The following USP31 variants were observed in gnomAD, a reference collection of about 807,000 sequenced individuals.
USP31 encodes ubiquitin specific peptidase 31, also known as ubiquitin carboxyl-terminal hydrolase 31.
A neutral mutation model predicts 119.4 loss-of-function variants in USP31; 44 were observed. That is an observed-to-expected ratio of 0.37 (90% confidence interval 0.29 to 0.47). The LOEUF is 0.47. Among genes scored for constraint, USP31 ranks in the 20% least tolerant of loss-of-function variants. USP31 has a pLI of 0.99. For synonymous variants in USP31, 749 were observed against 705.6 expected, an observed-to-expected ratio of 1.06 and a Z score of -0.97; for missense variants, 1,643 against 1,730.2, an observed-to-expected ratio of 0.95 and a Z score of 0.89.
chr16:23,107,551 T>C (rs1383394618), intron 2 of USP31, among the ~76,000 whole-genome samples: 3 of 152,222 alleles, frequency 2.0e-5, no homozygotes, highest in African/African-American at 7.2e-5. Flanking sequence ...ATATAAGTCA[T>C]TTTACCCATA....
Position 23,102,388 on chromosome 16 carries a change from C to T in USP31, c.1165G>A (p.Glu389Lys). ...TCAAAGGCAAAAATGCAGTCGCTTT[C>T]ATGGACTGTTTCCAGGTCGTCTGTA... The part of the protein sequence containing the change: ...CDTDDLETVH[E>K]SDCIFAFETP... The change falls in exon 6 of 16, where the codon GAA becomes AAA. Residue 389 changes from glutamate to lysine, a missense_variant. By Grantham distance (56) the Glu-to-Lys change is moderately conservative (BLOSUM62 1). This residue lies in a region of USP31 where 219 missense variants were observed against 226.4 expected (regional missense o/e 0.97). Coordinates refer to ENST00000219689, the MANE Select transcript of USP31 (RefSeq NM_020718.4). 6.2e-7 allele frequency: 1 copy of T among 1,613,804 alleles called. No homozygotes were observed.
intron 6 of USP31, among the ~76,000 whole-genome samples, chr16:23,094,239 C>G (rs1202805215): frequency 6.6e-6 from 1 of 152,226 alleles, no homozygotes; most frequent in Non-Finnish European, 1.5e-5. Context: ...GAGTCTTGCT[C>G]ACTGCTAGCG....
At chr16:23,091,285 T>G (rs1436877998) in intron 6 of USP31, among the ~76,000 whole-genome samples, 2 of 152,234 alleles carry the variant, frequency 1.3e-5, no homozygotes, top group Non-Finnish European at 2.9e-5. Flanking sequence ...CAGGAGAATC[T>G]TCCAACTTGG....
At position 23,148,697 on chromosome 16, in the gene USP31, G is replaced by T; in HGVS notation, c.574C>A (p.His192Asn). The T allele has an allele frequency of 6.7e-7, 1 of 1,493,368 alleles. No homozygotes were observed. The highest frequency in any genetic ancestry group is 1.5e-5 in the African/African-American group (1 of 68,358). 92.5% of individuals were successfully genotyped at this position (1,493,368 alleles called of 1,614,324 possible). ...GQGEVTEQLA[H>N]LVRALWTLEY... is the part of the protein sequence containing the mutation. ...AGGGTCCAGAGGGCCCGCACCAGGT[G>T]CGCCAGCTGCTCAGTGACCTCGCCC... The change falls in exon 1 of 16, where the codon CAC becomes AAC. Residue 192 changes from histidine (H) to asparagine (N), a missense_variant. This residue lies in a region of USP31 where 144 missense variants were observed against 218.0 expected (regional missense o/e 0.66). Transcript: ENST00000219689.
In USP31 at chr16:23,062,692, C is replaced by T. The variant is rs1198311482; in HGVS notation, c.*5354G>A. 6.6e-6 allele frequency: 1 copy of T among 152,512 alleles called. No homozygotes were observed. Among genetic ancestry groups the T allele is most frequent in the African/African-American group, 2.4e-5 (1 of 41,448 alleles). The allele number at this position is 152,512 out of a possible 1,614,324, so 9.4% of individuals were successfully genotyped here. On this transcript the variant is annotated 3_prime_UTR_variant, in exon 16 of 16. Coordinates refer to ENST00000219689, the MANE Select transcript of USP31 (RefSeq NM_020718.4). ...GACAGATGCAAACCCCGCGGGGACA[C>T]TCAGCCTGCTCCAGCAACTAAGACC...
At chr16:23,082,829 C>CTTTTTTTTT (rs1388989158) in intron 11 of USP31, among the ~76,000 whole-genome samples, 2 of 116,402 alleles carry the variant, frequency 1.7e-5, no homozygotes, top group African/African-American at 2.9e-5. Context: ...TTCTTTCTCT[C>CTTTTTTTTT]TCTTTTTTTT....
chr16:23,130,714 C>A (rs935756142), intron 1 of USP31, among the ~76,000 whole-genome samples: 5 of 152,220 alleles, frequency 3.3e-5, no homozygotes, highest in South Asian at 2.1e-4. Context: ...CAGAATGACA[C>A]GTAAACATAA....
At chr16:23,111,432 A>T (rs1902313103) in intron 1 of USP31, among the ~76,000 whole-genome samples, 1 of 152,204 alleles carries the variant, frequency 6.6e-6, no homozygotes, top group Non-Finnish European at 1.5e-5. Context: ...AAGACAGAAA[A>T]TAAAAAAGGA....
intron 12 of USP31, 68 bp from the exon 13 acceptor site, chr16:23,080,239 G>C (rs1024525126): frequency 3.1e-5 from 42 of 1,363,152 alleles, no homozygotes; most frequent in Non-Finnish European, 4.1e-5. Context: ...CACTTTAGAG[G>C]GGAATGTGGA....
In USP31 at chr16:23,120,086, G is replaced by A. The variant is rs1352692482; in HGVS notation, c.634-11903C>T. On this transcript the variant is annotated intron_variant, in intron 1 of 15. Transcript: ENST00000219689. ...GTAACTCAAATGTATCTTCTTTTTG[G>A]ACTCTTTCTCATTTTTCCAACACAA... is the stretch of plus-strand genomic sequence containing the variant. 3.9e-5 allele frequency among the ~76,000 whole-genome samples: 6 copies of A among 152,076 alleles called. No individual in the cohort carries two copies. The East Asian group carries it at 1.2e-3, about 29-fold the overall frequency.
At chr16:23,070,622 G>A (rs956790236) in intron 15 of USP31, among the ~76,000 whole-genome samples, 1 of 151,998 alleles carries the variant, frequency 6.6e-6, no homozygotes, top group Non-Finnish European at 1.5e-5. Context: ...GCTGAGGCAG[G>A]AGAATGGCGT....
intron 1 of USP31, among the ~76,000 whole-genome samples, chr16:23,137,446 C>G (rs990835164): frequency 2.6e-5 from 4 of 152,024 alleles, no homozygotes; most frequent in African/African-American, 7.2e-5. Context: ...AGAACTCAAA[C>G]AGATTCAAGA....
At chr16:23,138,043 G>C (rs1382886884) in intron 1 of USP31, among the ~76,000 whole-genome samples, 2 of 152,108 alleles carry the variant, frequency 1.3e-5, no homozygotes, top group Non-Finnish European at 2.9e-5. Flanking sequence ...GGCACCTTAG[G>C]GCAACGTGTT....
chr16:23,124,332 G>C (rs755845225), intron 1 of USP31, among the ~76,000 whole-genome samples: 2 of 152,120 alleles, frequency 1.3e-5, no homozygotes, highest in Non-Finnish European at 2.9e-5. Flanking sequence ...CTAATCAAAA[G>C]AAAAGGTTAA....
chr16:23,069,887 A>G (rs1266966937), intron 15 of USP31, among the ~76,000 whole-genome samples: 1 of 152,238 alleles, frequency 6.6e-6, no homozygotes, highest in Non-Finnish European at 1.5e-5. Flanking sequence ...AGGGCTCGGT[A>G]TAACTTTTCC....
At chr16:23,113,041 GAATT>G (rs1902374145) in intron 1 of USP31, among the ~76,000 whole-genome samples, 1 of 151,068 alleles carries the variant, frequency 6.6e-6, no homozygotes, top group Admixed American at 6.6e-5. Context: ...AAAAAAAAAA[GAATT>G]AATAAAAAAA....
At chr16:23,137,546 T>C (rs1434850027) in intron 1 of USP31, among the ~76,000 whole-genome samples, 1 of 151,536 alleles carries the variant, frequency 6.6e-6, no homozygotes, top group Non-Finnish European at 1.5e-5. Flanking sequence ...ATAATTTACT[T>C]ATTCTGTCCT....
At chr16:23,097,748 G>A (rs1901675174) in intron 6 of USP31, among the ~76,000 whole-genome samples, 1 of 152,206 alleles carries the variant, frequency 6.6e-6, no homozygotes, top group Admixed American at 6.5e-5. Context: ...AATAGATGCA[G>A]AAAAGGCCTT....
chr16:23,144,146 T>TA (rs1317730128), intron 1 of USP31, among the ~76,000 whole-genome samples: 2 of 152,130 alleles, frequency 1.3e-5, no homozygotes, highest in Non-Finnish European at 2.9e-5. Context: ...TCAATGTGGT[T>TA]AAAAAGGAAG....
Sources: allele counts gnomAD v4.1 joint callset (sites outside exome capture counted in the v4.1 genomes callset), GRCh38; gene constraint gnomAD v4.1.1; regional missense constraint gnomAD v4.1.1; transcripts MANE v1.5; gene names NCBI Gene and HGNC (gene_info 2026-07-23, HGNC 2026-07-21).